The following SLC30A1 variants were observed in gnomAD, a reference collection of about 807,000 sequenced individuals.
SLC30A1 encodes the protein solute carrier family 30 member 1.
A neutral mutation model predicts 29.8 loss-of-function variants in SLC30A1; 7 were observed. That is an observed-to-expected ratio of 0.23 (90% CI 0.13 to 0.44). SLC30A1 has a LOEUF of 0.44. Among genes scored for constraint, SLC30A1 ranks in the 20% least tolerant of loss-of-function variants. The pLI is 1.00. For missense variants in SLC30A1, 446 were observed against 647.9 expected, an observed-to-expected ratio of 0.69 and a Z score of 3.38; for synonymous variants, 254 against 253.5, an observed-to-expected ratio of 1.00 and a Z score of -0.02.
chr1:211,578,401 G>C lies in SLC30A1; in HGVS notation c.212C>G (p.Thr71Arg). The C allele has an allele frequency of 6.2e-7, 1 of 1,613,608 alleles. No homozygotes were observed. Among genetic ancestry groups the C allele is most frequent in the Non-Finnish European group, 8.5e-7 (1 of 1,179,888 alleles). ...ARRTHATQKN[T>R]FGWIRAEVMG... is the part of the protein sequence containing the mutation. ...TACCTCGGCTCGGATCCAGCCGAAC[G>C]TGTTCTTCTGGGTGGCGTGGGTCCG... Residue 71 changes from threonine to arginine, a missense_variant, in exon 1 of 2, where the codon ACG becomes AGG. By Grantham distance (71) the Thr-to-Arg change is moderately conservative (BLOSUM62 -1). This residue lies in a region of SLC30A1 where 1 missense variants were observed against 18.5 expected (regional missense o/e 0.05). Transcript: ENST00000367001.
rs918457453 is a variant in SLC30A1, at chr1:211,573,726, G to A, written c.*1662C>T. 3.9e-5 allele frequency: 6 copies of A among 152,112 alleles called. No individual in the cohort carries two copies. In the East Asian group the frequency reaches 1.2e-3, roughly 29 times the overall value. 9.4% of individuals were successfully genotyped at this position (152,112 alleles called of 1,614,324 possible). ...ACAATATCAGATAAGAATATTAAAA[G>A]ATCAAGATGTATTGCAAACTGGCAG... is the stretch of plus-strand genomic sequence containing the variant. On this transcript the variant is annotated 3_prime_UTR_variant, in exon 2 of 2. Coordinates refer to ENST00000367001, the MANE Select transcript of SLC30A1 (RefSeq NM_021194.3).
rs772933334 is a variant in SLC30A1, at chr1:211,578,077, G to A, written c.536C>T (p.Pro179Leu). 1.2e-6 allele frequency: 2 copies of A among 1,612,364 alleles called. No homozygotes were observed. The highest frequency in any genetic ancestry group is 1.7e-5 in the Admixed American group (1 of 59,956). ...RPGSSDINVA[P>L]GEQGPDQEET... ...CTCCTGGTCGGGACCCTGCTCGCCC[G>A]GGGCCACGTTGATGTCGCTGCTCCC... The change falls in exon 1 of 2, where the codon CCG becomes CTG. Residue 179 changes from proline to leucine, a missense_variant. Transcript: ENST00000367001.
At chr1:211,576,503 T>C (rs1706720204) in intron 1 of SLC30A1, among the ~76,000 whole-genome samples, 1 of 152,184 alleles carries the variant, frequency 6.6e-6, no homozygotes, top group South Asian at 2.1e-4. Flanking sequence ...ATACTGCTTC[T>C]TCACCCTCCT....
chr1:211,572,039 A>C lies in SLC30A1; in HGVS notation c.*3349T>G, dbSNP rs1476997114. ...CACTGGACCATAAAATTTTTGGTTT[A>C]AAAGTTTAAATTGAATAACATACAA... On this transcript the variant is annotated 3_prime_UTR_variant, in exon 2 of 2. Coordinates refer to ENST00000367001, the MANE Select transcript of SLC30A1 (RefSeq NM_021194.3). 1 of 152,150 alleles carries C rather than the reference A, an allele frequency of 6.6e-6. No individual in the cohort carries two copies. The highest frequency in any genetic ancestry group is 1.5e-5 in the Non-Finnish European group (1 of 67,980). The allele number at this position is 152,150 out of a possible 1,614,324, so 9.4% of individuals were successfully genotyped here.
rs954410897 is a variant in SLC30A1 at position 211,573,921 on chromosome 1, G to A, written c.*1467C>T. 6.6e-6 allele frequency: 1 copy of A among 152,436 alleles called. No individual in the cohort carries two copies. The highest frequency in any genetic ancestry group is 2.4e-5 in the African/African-American group (1 of 41,430). The allele number at this position is 152,436 out of a possible 1,614,324, so 9.4% of individuals were successfully genotyped here. Reference sequence around the variant, plus strand: ...AAGATCATCCCTTTAAAAAGTAACTGTCAAATCCTAACACTTTTTCCTCTT... The same window carrying A: ...AAGATCATCCCTTTAAAAAGTAACTATCAAATCCTAACACTTTTTCCTCTT... On this transcript the variant is annotated 3_prime_UTR_variant, in exon 2 of 2. Transcript: ENST00000367001.
rs925093066 is a variant in SLC30A1, at chr1:211,577,560, G to A, written c.622+431C>T. Among the ~76,000 whole-genome samples, 1 of 152,198 alleles carries A rather than the reference G, an allele frequency of 6.6e-6. No individual in the cohort carries two copies. The highest frequency in any genetic ancestry group is 1.5e-5 in the Non-Finnish European group (1 of 68,018). The stretch of plus-strand genomic sequence containing the variant: ...AGGTTTCCAGCACCCAACTACTGGG[G>A]ACGAATTGGGGATTCTCTCCGTTTC... On this transcript the variant is annotated intron_variant, in intron 1 of 1. Transcript: ENST00000367001. The surrounding 1 kb of genome is among the most constrained non-coding windows in gnomAD (Gnocchi z 4.5).
rs746988486 is a variant in SLC30A1 at position 211,578,282 on chromosome 1, G to T, written c.331C>A (p.Gln111Lys). ...ACCCCAAGGACCACCAGCGGCTGCT[G>T]CATCTCGTGCGGCTCGATGAAGCGC... ...IERFIEPHEM[Q>K]QPLVVLGVGV... is the part of the protein sequence containing the mutation. The change falls in exon 1 of 2, where the codon CAG becomes AAG. Residue 111 changes from glutamine to lysine, a missense_variant. This residue lies in a region of SLC30A1 where 37 missense variants were observed against 64.0 expected (regional missense o/e 0.58). Transcript: ENST00000367001. 6.2e-7 allele frequency: 1 copy of T among 1,612,118 alleles called. No homozygotes were observed. Among genetic ancestry groups the T allele is most frequent in the East Asian group, 2.2e-5 (1 of 44,836 alleles).
In SLC30A1 at chr1:211,579,063, TCTC is replaced by T. The variant is rs1706758406; in HGVS notation, c.-454_-452del. 1.3e-5 allele frequency among the ~76,000 whole-genome samples: 2 copies of T among 152,184 alleles called. No homozygotes were observed. The highest frequency in any genetic ancestry group is 2.1e-4 in the South Asian group (1 of 4,822). ...AGCATCTGAGGGCTCTGCTTGCTGG[TCTC>T]CTCTGCGGCGGCTGGACTGAGGAGC... On this transcript the variant is annotated 5_prime_UTR_variant, in exon 1 of 2. Coordinates refer to ENST00000367001, the MANE Select transcript of SLC30A1 (RefSeq NM_021194.3).
In SLC30A1 at chr1:211,574,434, A is replaced by C. The variant is rs1706694384; in HGVS notation, c.*954T>G. The C allele has an allele frequency of 6.6e-6, 1 of 152,104 alleles. No homozygotes were observed. Among genetic ancestry groups the C allele is most frequent in the East Asian group, 1.9e-4 (1 of 5,196 alleles). The allele number at this position is 152,104 out of a possible 1,614,324, so 9.4% of individuals were successfully genotyped here. A position where few individuals can be genotyped will look rare whatever the true frequency, so the allele number is the denominator to read the frequency against. ...TGCTCAAAAAGCTCCATTTAAATCC[A>C]TTCATGATTGGTTATCATGAAATGA... On this transcript the variant is annotated 3_prime_UTR_variant, in exon 2 of 2. Transcript: ENST00000367001.
Position 211,578,727 on chromosome 1 carries a change from C to A in SLC30A1, c.-115G>T, listed in dbSNP as rs1209583523. 8 of 1,144,818 alleles carry A rather than the reference C, an allele frequency of 7.0e-6. No individual in the cohort carries two copies. In the East Asian group the frequency reaches 9.3e-5, roughly 13 times the overall value. The allele number at this position is 1,144,818 out of a possible 1,614,324, so 70.9% of individuals were successfully genotyped here. A position where few individuals can be genotyped will look rare whatever the true frequency, so the allele number is the denominator to read the frequency against. On this transcript the variant is annotated 5_prime_UTR_variant, in exon 1 of 2. Transcript: ENST00000367001. The stretch of plus-strand genomic sequence containing the variant: ...GGAGGAGCGCCCGAGTCGGGCCGTT[C>A]GGGAAACCGCTGAGGGGCCCCCGCG...
Position 211,576,225 on chromosome 1 carries a change from T to C in SLC30A1, c.687A>G (p.Glu229=). 1 of 1,612,068 alleles carries C rather than the reference T, an allele frequency of 6.2e-7. No homozygotes were observed. The highest frequency in any genetic ancestry group is 8.5e-7 in the Non-Finnish European group (1 of 1,179,246). Residue 229 remains glutamate, a synonymous_variant, in exon 2 of 2, where the codon GAA becomes GAG. Coordinates refer to ENST00000367001, the MANE Select transcript of SLC30A1 (RefSeq NM_021194.3). The stretch of plus-strand genomic sequence containing the variant: ...CTTCTTCCAGTTCCATATGGTCAGG[T>C]TCTCTGACAAGATTTCCATTCACTT... ...EVQVNGNLVR[E]PDHMELEEDR... is the part of the protein sequence containing the mutation.
In SLC30A1 at chr1:211,577,746, C is replaced by G. The variant is rs1434626878; in HGVS notation, c.622+245G>C. On this transcript the variant is annotated intron_variant, in intron 1 of 1. Transcript: ENST00000367001. The surrounding 1 kb of genome is among the most constrained non-coding windows in gnomAD (Gnocchi z 4.5). ...ACCTCCTGACCCTTTTTCTTAGGGT[C>G]TGACCCACAGCCCCCACCTACAAAT... Among the ~76,000 whole-genome samples the G allele has an allele frequency of 6.6e-6, 1 of 152,232 alleles. No individual in the cohort carries two copies. The highest frequency in any genetic ancestry group is 1.5e-5 in the Non-Finnish European group (1 of 68,050).
Position 211,579,091 on chromosome 1 carries a change from C to T in SLC30A1, c.-479G>A, listed in dbSNP as rs376041310. On this transcript the variant is annotated 5_prime_UTR_variant, in exon 1 of 2. Coordinates refer to ENST00000367001, the MANE Select transcript of SLC30A1 (RefSeq NM_021194.3). The stretch of plus-strand genomic sequence containing the variant: ...CCTCTGCGGCGGCTGGACTGAGGAG[C>T]GGATGGCTGAGGAGCTAGAGAGGCG... Among the ~76,000 whole-genome samples the T allele has an allele frequency of 6.6e-6, 1 of 152,222 alleles. No homozygotes were observed. Among genetic ancestry groups the T allele is most frequent in the Admixed American group, 6.5e-5 (1 of 15,290 alleles).
In SLC30A1 at chr1:211,577,892, T is replaced by C; in HGVS notation, c.622+99A>G. 3 of 1,505,278 alleles carry C rather than the reference T, an allele frequency of 2.0e-6. No homozygotes were observed. The highest frequency in any genetic ancestry group is 2.7e-6 in the Non-Finnish European group (3 of 1,118,722). The allele number at this position is 1,505,278 out of a possible 1,614,324, so 93.2% of individuals were successfully genotyped here. On this transcript the variant is annotated intron_variant, in intron 1 of 1. Transcript: ENST00000367001. This position sits in a 1 kb window ranked among gnomAD's most constrained non-coding sequence, Gnocchi z 4.5. ...CAGGGGCGGCGCGGCGCAGGCCCGCTCGGGCAGCAGGGGGCGTGCGGGCCA... is the reference window on the plus strand; with the variant it reads ...CAGGGGCGGCGCGGCGCAGGCCCGCCCGGGCAGCAGGGGGCGTGCGGGCCA...
At position 211,575,638 on chromosome 1, in the gene SLC30A1, C is replaced by G. The variant is rs776915968; in HGVS notation, c.1274G>C (p.Gly425Ala). The change falls in exon 2 of 2, where the codon GGC (glycine) becomes GCC (alanine). Residue 425 changes from glycine to alanine, a missense_variant. Physicochemically the swap from Gly to Ala is moderately conservative, Grantham distance 60. Transcript: ENST00000367001. The surrounding 1 kb of genome is among the most constrained non-coding windows in gnomAD (Gnocchi z 6.0). ...TTIQPEFASV[G>A]SKSSVVPCEL... is the part of the protein sequence containing the mutation. ...ACACGGAACTACACTTGATTTAGAG[C>G]CTACACTAGCAAATTCAGGCTGAAT... is the stretch of plus-strand genomic sequence containing the variant. The G allele has an allele frequency of 6.2e-7, 1 of 1,614,122 alleles. No individual in the cohort carries two copies. Among genetic ancestry groups the G allele is most frequent in the East Asian group, 2.2e-5 (1 of 44,884 alleles).
chr1:211,576,802 T>G (rs984919735), intron 1 of SLC30A1, among the ~76,000 whole-genome samples: 12 of 151,888 alleles, frequency 7.9e-5, no homozygotes, highest in Non-Finnish European at 1.5e-4. Flanking sequence ...GGTAGGGGGG[T>G]TTAAAAACTG....
chr1:211,571,675 C>T lies in SLC30A1; in HGVS notation c.*3713G>A, dbSNP rs1023887074. On this transcript the variant is annotated 3_prime_UTR_variant, in exon 2 of 2. Coordinates refer to ENST00000367001, the MANE Select transcript of SLC30A1 (RefSeq NM_021194.3). ...TATAATACATAACAATCCATAAAGC[C>T]TCATGGTGAGGTAGGAACAGCTTTG... 4.6e-5 allele frequency: 7 copies of T among 152,078 alleles called. No homozygotes were observed. The highest frequency in any genetic ancestry group is 1.0e-4 in the Non-Finnish European group (7 of 68,008). 9.4% of individuals were successfully genotyped at this position (152,078 alleles called of 1,614,324 possible).
Position 211,578,559 on chromosome 1 carries a change from G to A in SLC30A1, c.54C>T (p.Thr18=), listed in dbSNP as rs1465774827. 6.2e-7 allele frequency: 1 copy of A among 1,609,820 alleles called. No individual in the cohort carries two copies. The highest frequency in any genetic ancestry group is 8.5e-7 in the Non-Finnish European group (1 of 1,179,426). ...CCACCTCCAGCACCATGAACATGAAGGTCAGCGCCAGCATGCACAGCAGCC... is the reference window on the plus strand; with the variant it reads ...CCACCTCCAGCACCATGAACATGAAAGTCAGCGCCAGCATGCACAGCAGCC... ...RGRLLCMLAL[T]FMFMVLEVVV... is the part of the protein sequence containing the mutation. The change falls in exon 1 of 2, where the codon ACC becomes ACT. Residue 18 remains threonine (T), a synonymous_variant. Coordinates refer to ENST00000367001, the MANE Select transcript of SLC30A1 (RefSeq NM_021194.3).
At chr1:211,576,364 A>C in intron 1 of SLC30A1, 75 bp from the exon 2 acceptor site, 1 of 1,037,704 alleles carries the variant, frequency 9.6e-7, no homozygotes, top group East Asian at 2.7e-5. Flanking sequence ...ATTCTTTTTA[A>C]GTGGTGATGA....
Sources: allele counts gnomAD v4.1 joint callset (sites outside exome capture counted in the v4.1 genomes callset), GRCh38; gene constraint gnomAD v4.1.1; regional missense constraint gnomAD v4.1.1; non-coding constraint Gnocchi (gnomAD v3.1); transcripts MANE v1.5; gene names NCBI Gene and HGNC (gene_info 2026-07-23, HGNC 2026-07-21).